RALGPS1: variants seen among roughly 807,000 people sequenced by gnomAD.
RALGPS1 encodes ras-specific guanine nucleotide-releasing factor RalGPS1.
A neutral mutation model predicts 78.8 loss-of-function variants in RALGPS1; 19 were observed. That is an observed-to-expected ratio of 0.24 (90% CI 0.17 to 0.35). RALGPS1 has a LOEUF of 0.35. RALGPS1 is among the 10% of genes least tolerant of loss of function. The pLI, the probability that RALGPS1 is intolerant of heterozygous loss-of-function variation, is 1.00. For missense variants in RALGPS1, 454 were observed against 688.3 expected (o/e 0.66, Z 3.81); for synonymous variants, 228 against 256.3 (o/e 0.89, Z 1.06).
intron 8 of RALGPS1, among the ~76,000 whole-genome samples, chr9:127,134,891 T>A (rs1182746205): frequency 6.6e-6 from 1 of 152,196 alleles, no homozygotes; most frequent in Non-Finnish European, 1.5e-5. Context: ...CCAACACCCA[T>A]GCTCAATTCC....
chr9:126,945,292 T>C (rs62578913), intron 1 of RALGPS1, among the ~76,000 whole-genome samples: 57,556 of 151,998 alleles, frequency 0.38, 12,699 homozygotes, highest in Non-Finnish European at 0.48. Context: ...TCCGCCTCCC[T>C]GGTTCAACCC....
intron 8 of RALGPS1, among the ~76,000 whole-genome samples, chr9:127,146,911 G>A (rs571876216): frequency 7.2e-4 from 109 of 152,308 alleles, no homozygotes; most frequent in Non-Finnish European, 1.2e-3. Context: ...GGGATTGCAG[G>A]GTTGAATAGT....
chr9:127,088,926 A>AG, intron 8 of RALGPS1: 1 of 1,614,108 alleles, frequency 6.2e-7, no homozygotes, highest in South Asian at 1.1e-5. Context: ...AGAGGTCAGG[A>AG]GGGGGAGCTG....
intron 1 of RALGPS1, among the ~76,000 whole-genome samples, chr9:126,952,656 A>AGAGAGAGAGAGAGTGTGT: frequency 7.2e-6 from 1 of 138,922 alleles, no homozygotes; most frequent in African/African-American, 2.6e-5. Flanking sequence ...AGAGAGAGAG[A>AGAGAGAGAGAGAGTGTGT]GTGTGTGTGT....
intron 8 of RALGPS1, among the ~76,000 whole-genome samples, chr9:127,157,950 C>CT (rs1274246988): frequency 1.3e-5 from 2 of 151,950 alleles, no homozygotes; most frequent in Non-Finnish European, 2.9e-5. Flanking sequence ...AATATGTATC[C>CT]TTTATCACAT....
chr9:126,985,598 T>A lies in RALGPS1; in HGVS notation c.216+7853T>A, dbSNP rs1414758094. Among the ~76,000 whole-genome samples the A allele has an allele frequency of 1.3e-5, 2 of 152,210 alleles. 1 individual carries two copies. Among genetic ancestry groups the A allele is most frequent in the Non-Finnish European group, 2.9e-5 (2 of 68,042 alleles). ...CCCGTCATATATATGTAAAATAATT[T>A]AAAAATAATAATACGAATATTACTA... On this transcript the variant is annotated intron_variant, in intron 4 of 18. Transcript: ENST00000259351.
intron 4 of RALGPS1, among the ~76,000 whole-genome samples, chr9:127,031,823 T>G (rs184007527): frequency 6.6e-6 from 1 of 152,360 alleles, no homozygotes; most frequent in Admixed American, 6.5e-5. Flanking sequence ...AGGAAATTGT[T>G]AAAACCCAAT....
At chr9:127,144,400 A>G (rs985920890) in intron 8 of RALGPS1, among the ~76,000 whole-genome samples, 1 of 152,218 alleles carries the variant, frequency 6.6e-6, no homozygotes, top group Non-Finnish European at 1.5e-5. Context: ...TTACTTTGAT[A>G]GCTAAGTATT....
intron 8 of RALGPS1, among the ~76,000 whole-genome samples, chr9:127,098,490 A>C (rs1386094375): frequency 6.6e-6 from 1 of 152,112 alleles, no homozygotes; most frequent in Admixed American, 6.5e-5. Flanking sequence ...GGCTGAGCCG[A>C]GTCTGTGTGG....
At chr9:127,216,129 G>C (rs1276998048) in intron 18 of RALGPS1, 14 of 152,190 alleles carry the variant, frequency 9.2e-5, no homozygotes, top group Admixed American at 9.2e-4. Context: ...GAAGCTGAAG[G>C]GAGGTCTCTA....
rs2062279376 is a variant in RALGPS1 at position 127,211,842 on chromosome 9, A to G, written c.1248-289A>G. ...GGAGCGGCCAGGCTGTAGCCGTGACAAAAGCATCCCTTAGGGTGGGGGTGC... is the reference window on the plus strand; with the variant it reads ...GGAGCGGCCAGGCTGTAGCCGTGACGAAAGCATCCCTTAGGGTGGGGGTGC... On this transcript the variant is annotated intron_variant, in intron 14 of 18. Transcript: ENST00000259351. The surrounding 1 kb of genome is among the most constrained non-coding windows in gnomAD (Gnocchi z 5.0). Among the ~76,000 whole-genome samples the G allele has an allele frequency of 6.6e-6, 1 of 152,160 alleles. No individual in the cohort carries two copies. Among genetic ancestry groups the G allele is most frequent in the Admixed American group, 6.5e-5 (1 of 15,282 alleles).
rs530261577 is a variant in RALGPS1, at chr9:127,090,777, A to G, written c.610+21421A>G. ...GAGCCTGGAGGCAGCATCGGCCGTC[A>G]GGTGGTGCCAGCCTCAGGGAGGAGC... is the stretch of plus-strand genomic sequence containing the variant. On this transcript the variant is annotated intron_variant, in intron 8 of 18. Transcript: ENST00000259351. 2.3e-3 allele frequency among the ~76,000 whole-genome samples: 344 copies of G among 152,336 alleles called. 3 individuals carry two copies. The highest frequency in any genetic ancestry group is 3.8e-4 in the Non-Finnish European group (26 of 68,024).
intron 1 of RALGPS1, among the ~76,000 whole-genome samples, chr9:126,930,915 CTT>C (rs1735450363): frequency 6.6e-6 from 1 of 152,182 alleles, no homozygotes; most frequent in African/African-American, 2.4e-5. Flanking sequence ...TCATTTAACT[CTT>C]ATCACTCTCC....
At chr9:127,202,572 C>T (rs1288117103) in intron 14 of RALGPS1, among the ~76,000 whole-genome samples, 1 of 152,158 alleles carries the variant, frequency 6.6e-6, no homozygotes, top group Non-Finnish European at 1.5e-5. Context: ...TCTCCTCACC[C>T]ATGTCAGCCT....
chr9:127,076,368 A>T (rs2050682703), intron 8 of RALGPS1, among the ~76,000 whole-genome samples: 2 of 152,234 alleles, frequency 1.3e-5, no homozygotes, highest in South Asian at 2.1e-4. Context: ...GTGGAAAATT[A>T]TGATCTCTCA....
intron 1 of RALGPS1, among the ~76,000 whole-genome samples, chr9:126,956,373 G>A (rs1345176947): frequency 6.6e-6 from 1 of 152,194 alleles, no homozygotes; most frequent in African/African-American, 2.4e-5. Context: ...GAAAAGGACA[G>A]TCCGTTGTAC....
Position 127,091,879 on chromosome 9 carries a change from G to A in RALGPS1, c.610+22523G>A, listed in dbSNP as rs752232897. ...CAGGAGTTTGTAGTTGCCTTGGTTC[G>A]TCAGCCAGTAAATGTTCTCCAGGCC... On this transcript the variant is annotated intron_variant, in intron 8 of 18. Transcript: ENST00000259351. This position sits in a 1 kb window ranked among gnomAD's most constrained non-coding sequence, Gnocchi z 4.3. 6.8e-5 allele frequency: 110 copies of A among 1,614,008 alleles called. No homozygotes were observed. The highest frequency in any genetic ancestry group is 9.1e-5 in the Non-Finnish European group (107 of 1,180,040).
intron 8 of RALGPS1, chr9:127,108,534 C>T (rs781636386): frequency 3.2e-5 from 51 of 1,613,160 alleles, no homozygotes; most frequent in South Asian, 9.9e-5. Context: ...AGATGGCACC[C>T]GTGACCCGCT....
intron 7 of RALGPS1, among the ~76,000 whole-genome samples, chr9:127,058,547 T>A (rs1407217193): frequency 1.3e-5 from 2 of 151,984 alleles, no homozygotes; most frequent in Admixed American, 6.6e-5. Flanking sequence ...GCTGACAGAT[T>A]GTGTGCTGGA....
Sources: allele counts gnomAD v4.1 joint callset (sites outside exome capture counted in the v4.1 genomes callset), GRCh38; gene constraint gnomAD v4.1.1; non-coding constraint Gnocchi (gnomAD v3.1); transcripts MANE v1.5; gene names NCBI Gene and HGNC (gene_info 2026-07-23, HGNC 2026-07-21).